The following ICA1L variants were observed in gnomAD, a reference collection of about 807,000 sequenced individuals.
The protein encoded by ICA1L is islet cell autoantigen 1-like protein.
A neutral mutation model predicts 61.3 loss-of-function variants in ICA1L; 50 were observed. That is an observed-to-expected ratio of 0.82 (90% CI 0.65 to 1.03). The LOEUF (loss-of-function observed/expected upper bound fraction) is 1.03. Among genes scored for constraint, ICA1L ranks in the 50% least tolerant of loss-of-function variants. The pLI is 0.00. For missense variants in ICA1L, 508 were observed against 556.7 expected, an observed-to-expected ratio of 0.91 and a Z score of 0.88; for synonymous variants, 161 against 191.3, an observed-to-expected ratio of 0.84 and a Z score of 1.31.
intron 8 of ICA1L, 69 bp from the exon 9 acceptor site, chr2:202,811,858 A>T (rs1386685283): frequency 8.8e-7 from 1 of 1,138,452 alleles, no homozygotes; most frequent in Non-Finnish European, 1.3e-6. Flanking sequence ...TTCCCCAAAC[A>T]GTTTTATATG....
rs1692180538 is a variant in ICA1L, at chr2:202,775,068, T to A, written c.*4465A>T. ...CAGAAAAAGATGGAAAAATAGCTTA[T>A]GTTGGGCTTCTGGATGTGACCCATC... On this transcript the variant is annotated 3_prime_UTR_variant, in exon 13 of 13. Transcript: ENST00000358299. 1 of 152,288 alleles carries A rather than the reference T, an allele frequency of 6.6e-6. No homozygotes were observed. The highest frequency in any genetic ancestry group is 2.4e-5 in the African/African-American group (1 of 41,484). The allele number at this position is 152,288 out of a possible 1,614,324, so 9.4% of individuals were successfully genotyped here. A position where few individuals can be genotyped will look rare whatever the true frequency, so the allele number is the denominator to read the frequency against.
At chr2:202,831,031 A>T (rs1164942823) in intron 1 of ICA1L, among the ~76,000 whole-genome samples, 1 of 152,228 alleles carries the variant, frequency 6.6e-6, no homozygotes, top group African/African-American at 2.4e-5. Context: ...AAATAGAAGC[A>T]AAATGAAATT....
intron 11 of ICA1L, 37 bp downstream of exon 11, chr2:202,788,793 T>C: frequency 6.2e-7 from 1 of 1,610,242 alleles, no homozygotes; most frequent in East Asian, 2.2e-5. Context: ...AAAGATAAAG[T>C]AAAGCACATA....
intron 1 of ICA1L, among the ~76,000 whole-genome samples, chr2:202,856,075 G>A (rs373411033): frequency 4.6e-3 from 591 of 127,220 alleles, no homozygotes; most frequent in Non-Finnish European, 4.7e-3. Context: ...TCCGTCTCAA[G>A]AAAAAAAAAA....
chr2:202,811,760 A>G lies in ICA1L; in HGVS notation c.896T>C (p.Phe299Ser). Residue 299 changes from phenylalanine (F) to serine (S), a missense_variant, in exon 9 of 13, where the codon TTT (phenylalanine) becomes TCT (serine). Coordinates refer to ENST00000358299, the MANE Select transcript of ICA1L (RefSeq NM_001288622.3). ...KLVLSDEEAS[F>S]ESEQANKDHN... ...TACCATCTTACCTTGTTCACTCTCA[A>G]AGCTTGCTTCCTCATCAGACAAAAC... is the stretch of plus-strand genomic sequence containing the variant. 2.5e-6 allele frequency: 4 copies of G among 1,608,136 alleles called. No individual in the cohort carries two copies. Among genetic ancestry groups the G allele is most frequent in the Non-Finnish European group, 3.4e-6 (4 of 1,175,590 alleles).
Position 202,774,778 on chromosome 2 carries a change from A to G in ICA1L, c.*4755T>C, listed in dbSNP as rs72932709. 0.093 allele frequency: 14,369 copies of G among 153,956 alleles called. 802 individuals are homozygous for G. Among genetic ancestry groups the G allele is most frequent in the Non-Finnish European group, 0.13 (8,867 of 69,232 alleles). 9.5% of individuals were successfully genotyped at this position (153,956 alleles called of 1,614,324 possible). ...GGGAAACTTGTGGCAGGGGCCACCC[A>G]TATCACACTGGGCCAGGTGCTCACA... On this transcript the variant is annotated 3_prime_UTR_variant, in exon 13 of 13. Transcript: ENST00000358299.
chr2:202,798,509 A>C (rs1447200907), intron 9 of ICA1L, among the ~76,000 whole-genome samples: 1 of 152,202 alleles, frequency 6.6e-6, no homozygotes, highest in African/African-American at 2.4e-5. Context: ...CCAAAGTGCC[A>C]GGATAACAGG....
At chr2:202,824,058 A>G (rs183478510) in intron 3 of ICA1L, among the ~76,000 whole-genome samples, 2 of 152,316 alleles carry the variant, frequency 1.3e-5, no homozygotes, top group African/African-American at 4.8e-5. Context: ...TCGAGTACTG[A>G]CTACATGCTA....
intron 11 of ICA1L, 113 bp from the exon 12 acceptor site, chr2:202,786,120 T>G (rs978141397): frequency 2.1e-5 from 13 of 624,838 alleles, no homozygotes; most frequent in Middle Eastern, 5.8e-4. Context: ...CTGGGTAAGA[T>G]TCTATAAGAG....
At chr2:202,797,776 C>T (rs1013710175) in intron 9 of ICA1L, among the ~76,000 whole-genome samples, 3 of 152,216 alleles carry the variant, frequency 2.0e-5, no homozygotes, top group Non-Finnish European at 2.9e-5. Context: ...CCTGCCTCGG[C>T]CTCCCAAACT....
At chr2:202,785,133 C>T (rs1692538704) in intron 12 of ICA1L, among the ~76,000 whole-genome samples, 1 of 150,948 alleles carries the variant, frequency 6.6e-6, no homozygotes. Context: ...GCAGGAGAAT[C>T]GCTTGGACCC....
intron 9 of ICA1L, among the ~76,000 whole-genome samples, chr2:202,798,139 T>A (rs1310450281): frequency 6.6e-6 from 1 of 152,240 alleles, no homozygotes; most frequent in Non-Finnish European, 1.5e-5. Context: ...AGTATTCCAT[T>A]GTGTACACAT....
At chr2:202,793,677 TA>T (rs373036200) in intron 10 of ICA1L, among the ~76,000 whole-genome samples, 243 of 133,642 alleles carry the variant, frequency 1.8e-3, no homozygotes, top group Admixed American at 2.0e-3. Flanking sequence ...AGACTCCATC[TA>T]AAAAAAAAAA....
At chr2:202,819,538 AGT>A (rs1276831546) in intron 5 of ICA1L, 161 bp downstream of exon 5, 1 of 610,738 alleles carries the variant, frequency 1.6e-6, no homozygotes, top group Non-Finnish European at 2.9e-6. Context: ...TAAAAATAAA[AGT>A]GTGACAAACT....
intron 11 of ICA1L, among the ~76,000 whole-genome samples, chr2:202,787,636 T>G (rs2105820422): frequency 6.6e-6 from 1 of 152,338 alleles, no homozygotes; most frequent in South Asian, 2.1e-4. Flanking sequence ...CAAAGATGAC[T>G]CACTCCACAT....
At chr2:202,858,895 A>G (rs1694833665) in intron 1 of ICA1L, among the ~76,000 whole-genome samples, 1 of 152,178 alleles carries the variant, frequency 6.6e-6, no homozygotes, top group Non-Finnish European at 1.5e-5. Context: ...AGTACACTCT[A>G]TGAAGTTCAT....
At chr2:202,871,444 C>A (rs1687711808) in intron 1 of ICA1L, 175 bp downstream of exon 1, 1 of 152,146 alleles carries the variant, frequency 6.6e-6, no homozygotes, top group South Asian at 2.1e-4. Flanking sequence ...CGGGGTCCCC[C>A]AGAGAACCGA....
chr2:202,820,705 T>C (rs1450236686), intron 4 of ICA1L, among the ~76,000 whole-genome samples: 2 of 152,200 alleles, frequency 1.3e-5, no homozygotes, highest in Non-Finnish European at 2.9e-5. Flanking sequence ...TTAGTGACCA[T>C]TGGAGGGCCC....
chr2:202,841,270 G>T, intron 1 of ICA1L: 1 of 737,016 alleles, frequency 1.4e-6, no homozygotes, highest in Admixed American at 1.7e-5. Context: ...TCTTCCACCA[G>T]CCCTGGCATG....
Sources: gnomAD v4.1 joint callset for allele counts (sites outside exome capture counted in the v4.1 genomes callset) on GRCh38, gnomAD v4.1.1 for gene constraint, MANE v1.5 for transcripts, NCBI Gene and HGNC (gene_info 2026-07-23, HGNC 2026-07-21) for gene names.